FRMPD3: variants seen among roughly 807,000 people sequenced by gnomAD.
The protein encoded by FRMPD3 is FERM and PDZ domain-containing protein 3.
In FRMPD3, 42 loss-of-function variants were observed where a neutral mutation model predicts 97.9. That is an observed-to-expected ratio of 0.43 (90% CI 0.34 to 0.55). The LOEUF (loss-of-function observed/expected upper bound fraction) is 0.55, where lower values mean the gene tolerates loss of function less well. Ranked by LOEUF, FRMPD3 falls within the 20% of genes least tolerant of loss-of-function variation. The pLI is 0.03. For missense variants in FRMPD3, 1,303 were observed against 1,457.7 expected (o/e 0.89, Z 1.73); for synonymous variants, 577 against 581.1 (o/e 0.99, Z 0.10).
intron 1 of FRMPD3, among the ~76,000 whole-genome samples, chrX:107,461,987 C>T (rs1931486880): frequency 9.2e-6 from 1 of 108,976 alleles, no homozygotes; most frequent in African/African-American, 3.4e-5. Context: ...GCCCCCTTTG[C>T]TCCATCTCTG....
chrX:107,538,352 T>C (rs1004208128), intron 4 of FRMPD3, among the ~76,000 whole-genome samples: 6 of 109,395 alleles, frequency 5.5e-5, no homozygotes, highest in Admixed American at 2.9e-4. Context: ...CCCCAATATG[T>C]GTTTAATGTT....
At chrX:107,588,990 G>C (rs1262606613) in intron 13 of FRMPD3, among the ~76,000 whole-genome samples, 1 of 111,480 alleles carries the variant, frequency 9.0e-6, no homozygotes, top group Non-Finnish European at 1.9e-5. Flanking sequence ...TTTTATCAAG[G>C]TTCTTAGCTT....
chrX:107,537,281 A>C (rs954354023), intron 4 of FRMPD3, among the ~76,000 whole-genome samples: 1 of 111,731 alleles, frequency 9.0e-6, no homozygotes, highest in Admixed American at 9.5e-5. Context: ...ACTAATCTCA[A>C]TGAGCATTTC....
chrX:107,517,830 AAGGGAGGG>A lies in FRMPD3; in HGVS notation c.-7-8725_-7-8718del, dbSNP rs756926904. On this transcript the variant is annotated intron_variant, in intron 1 of 14. Coordinates refer to ENST00000683843, the MANE Select transcript of FRMPD3 (RefSeq NM_001388459.1). Reference sequence around the variant, plus strand: ...GAAGGAAAGAAAGAAGGAAGGAAGGAAGGGAGGGAGGGAGGGAGGGAGGGAGGGAGGGA... The same window carrying A: ...GAAGGAAAGAAAGAAGGAAGGAAGGAAGGGAGGGAGGGAGGGAGGGAGGGA... Among the ~76,000 whole-genome samples the A allele has an allele frequency of 1.3e-3, 95 of 74,689 alleles. 4 individuals are homozygous for A. Among genetic ancestry groups the A allele is most frequent in the Admixed American group, 4.6e-3 (28 of 6,081 alleles). 64.9% of individuals were successfully genotyped at this position (74,689 alleles called of 115,157 possible).
chrX:107,563,299 C>T (rs1324810678), intron 11 of FRMPD3, 99 bp downstream of exon 11: 12 of 618,158 alleles, frequency 1.9e-5, no homozygotes, highest in Middle Eastern at 5.2e-4. Context: ...TAAAGGCCTT[C>T]GTTCCTCTTC....
At chrX:107,596,562 C>T (rs1211975349) in intron 13 of FRMPD3, among the ~76,000 whole-genome samples, 1 of 111,986 alleles carries the variant, frequency 8.9e-6, no homozygotes, top group African/African-American at 3.2e-5. Flanking sequence ...GAGCGGTTGA[C>T]GAGAGCATTT....
chrX:107,544,346 T>A (rs1921476974), intron 4 of FRMPD3, among the ~76,000 whole-genome samples: 1 of 111,706 alleles, frequency 9.0e-6, no homozygotes, highest in Non-Finnish European at 1.9e-5. Flanking sequence ...TAGTTAATAA[T>A]AATGTATTAT....
Position 107,572,908 on chromosome X carries a change from C to CTACTACTACTACTAATAA in FRMPD3, c.1297-3405_1297-3404insCTACTACTACTAATAATA, listed in dbSNP as rs796610991. Among the ~76,000 whole-genome samples the CTACTACTACTACTAATAA allele has an allele frequency of 4.6e-3, 467 of 100,978 alleles. 4 individuals carry two copies. Among genetic ancestry groups the CTACTACTACTACTAATAA allele is most frequent in the African/African-American group, 0.016 (441 of 26,750 alleles). 87.7% of individuals were successfully genotyped at this position (100,978 alleles called of 115,157 possible). ...ACTACTACTACTACTACTACTACTA[C>CTACTACTACTACTAATAA]TAATAATAATAATAATAATAAAGTA... On this transcript the variant is annotated intron_variant, in intron 12 of 14. Coordinates refer to ENST00000683843, the MANE Select transcript of FRMPD3 (RefSeq NM_001388459.1).
chrX:107,467,039 A>G (rs1218149958), intron 1 of FRMPD3, among the ~76,000 whole-genome samples: 8 of 108,192 alleles, frequency 7.4e-5, no homozygotes, highest in Non-Finnish European at 1.5e-4. Flanking sequence ...AGAGAGAGAG[A>G]GAAAGAGAGA....
intron 14 of FRMPD3, among the ~76,000 whole-genome samples, chrX:107,598,379 A>T (rs190797308): frequency 8.9e-6 from 1 of 112,408 alleles, no homozygotes; most frequent in African/African-American, 3.2e-5. Flanking sequence ...GAAATGCCTT[A>T]CAGATAGATC....
At chrX:107,524,020 C>G (rs1385689923) in intron 1 of FRMPD3, among the ~76,000 whole-genome samples, 1 of 112,559 alleles carries the variant, frequency 8.9e-6, no homozygotes, top group Non-Finnish European at 1.9e-5. Flanking sequence ...TTCCTTCTCC[C>G]CACGCCACAG....
At chrX:107,523,930 G>A (rs1184137075) in intron 1 of FRMPD3, among the ~76,000 whole-genome samples, 1 of 111,924 alleles carries the variant, frequency 8.9e-6, no homozygotes, top group Admixed American at 9.4e-5. Flanking sequence ...GCAGTGGCAG[G>A]GATCAAGGGG....
intron 13 of FRMPD3, among the ~76,000 whole-genome samples, chrX:107,583,916 T>C (rs1352050555): frequency 9.5e-5 from 10 of 104,893 alleles, no homozygotes; most frequent in Non-Finnish European, 1.2e-4. Flanking sequence ...TTGCCCAGGC[T>C]GGAGTACAGT....
chrX:107,539,056 G>GA (rs777332443), intron 4 of FRMPD3, among the ~76,000 whole-genome samples: 89 of 104,947 alleles, frequency 8.5e-4, no homozygotes, highest in Non-Finnish European at 1.1e-3. Flanking sequence ...AGCAGAGACA[G>GA]AAAAAAAAAA....
At chrX:107,531,258 C>T (rs770078394) in intron 3 of FRMPD3, among the ~76,000 whole-genome samples, 1 of 110,510 alleles carries the variant, frequency 9.0e-6, no homozygotes, top group Non-Finnish European at 1.9e-5. Context: ...CATGGGCTAA[C>T]CTCAGTTTGG....
chrX:107,514,491 G>A (rs185484365), intron 1 of FRMPD3, among the ~76,000 whole-genome samples: 39 of 109,224 alleles, frequency 3.6e-4, no homozygotes, highest in Non-Finnish European at 5.9e-4. Flanking sequence ...CGAGCTTGTC[G>A]GATCCCGGAT....
Position 107,533,549 on chromosome X carries a change from A to T in FRMPD3, c.296A>T (p.Gln99Leu). The change falls in exon 4 of 15, where the codon CAG becomes CTG. Residue 99 changes from glutamine (Q) to leucine (L), a missense_variant and splice_region_variant. This residue lies in a region of FRMPD3 where 535 missense variants were observed against 618.6 expected (regional missense o/e 0.86). Transcript: ENST00000683843. ...FIVLTVLHTH[Q>L]SPKSAFISAA... ...GTTCTTACAGTTCTGCACACTCATC[A>T]GGTGAGTGAGCCTCTTTGCCATCTG... The T allele has an allele frequency of 8.3e-7, 1 of 1,201,522 alleles. No individual in the cohort carries two copies. The highest frequency in any genetic ancestry group is 1.1e-6 in the Non-Finnish European group (1 of 888,482).
chrX:107,478,906 G>A (rs754577836), intron 1 of FRMPD3, among the ~76,000 whole-genome samples: 2 of 111,383 alleles, frequency 1.8e-5, no homozygotes, highest in Non-Finnish European at 3.8e-5. Context: ...GTGGGGTGGG[G>A]GTAGTGCTAG....
intron 1 of FRMPD3, among the ~76,000 whole-genome samples, chrX:107,476,952 G>A (rs1921215022): frequency 8.9e-6 from 1 of 112,070 alleles, no homozygotes; most frequent in South Asian, 3.7e-4. Flanking sequence ...CGTTGGCTGG[G>A]ATTACTTCAC....
Sources: gnomAD v4.1 joint callset for allele counts (sites outside exome capture counted in the v4.1 genomes callset) on GRCh38, gnomAD v4.1.1 for gene constraint, gnomAD v4.1.1 regional missense constraint, MANE v1.5 for transcripts, NCBI Gene and HGNC (gene_info 2026-07-23, HGNC 2026-07-21) for gene names.